The following ADGRG5 variants were observed in gnomAD, a reference collection of about 807,000 sequenced individuals.
ADGRG5 encodes the protein G protein-coupled receptor 114.
ADGRG5 carries 37 observed loss-of-function variants against 53.2 expected under a neutral mutation model. The ratio of observed to expected loss-of-function variants is 0.70; its 90% CI spans 0.53 to 0.91. The LOEUF is 0.91. Among genes scored for constraint, ADGRG5 ranks in the 40% least tolerant of loss-of-function variants. ADGRG5 has a pLI of 0.00. For synonymous variants in ADGRG5, 277 were observed against 290.4 expected (o/e 0.95, Z 0.47); for missense variants, 614 against 675.8 (o/e 0.91, Z 1.01).
chr16:57,536,135 C>T, the ADGRG5 span, among the ~76,000 whole-genome samples: 2 of 152,152 alleles, frequency 1.3e-5, no homozygotes, highest in African/African-American at 4.8e-5. Context: ...CCAGCGCCGC[C>T]CGTCCATCCC....
chr16:57,553,579 G>T lies in ADGRG5; in HGVS notation c.-38-8477G>T, dbSNP rs374505979. Among the ~76,000 whole-genome samples, 22 of 152,234 alleles carry T rather than the reference G, an allele frequency of 1.4e-4. No homozygotes were observed. In the South Asian group the frequency reaches 4.4e-3, roughly 30 times the overall value. On this transcript the variant is annotated intron_variant, in intron 1 of 11. Coordinates refer to ENST00000349457, the MANE Select transcript of ADGRG5 (RefSeq NM_001304376.3). ...CCAGTAACACACTGTCTTGATTATT[G>T]TAGCTTTATAGTGAGCCTTGAAATC... is the stretch of plus-strand genomic sequence containing the variant.
intron 1 of ADGRG5, among the ~76,000 whole-genome samples, chr16:57,545,322 T>C (rs1427322388): frequency 6.6e-6 from 1 of 152,076 alleles, no homozygotes; most frequent in African/African-American, 2.4e-5. Flanking sequence ...TCAATGCAAA[T>C]GGACTGGAGA....
chr16:57,536,216 C>G, the ADGRG5 span, among the ~76,000 whole-genome samples: 1 of 152,034 alleles, frequency 6.6e-6, no homozygotes, highest in Non-Finnish European at 1.5e-5. Flanking sequence ...GCCGCCCCCT[C>G]CCGTCCGGCC....
At chr16:57,550,608 G>GT (rs561361851) in intron 1 of ADGRG5, among the ~76,000 whole-genome samples, 1 of 151,846 alleles carries the variant, frequency 6.6e-6, no homozygotes, top group Non-Finnish European at 1.5e-5. Flanking sequence ...TTTCTTTTTT[G>GT]TTTTTTCCAA....
intron 1 of ADGRG5, among the ~76,000 whole-genome samples, chr16:57,546,143 A>G (rs1436012004): frequency 6.6e-6 from 1 of 151,584 alleles, no homozygotes; most frequent in Non-Finnish European, 1.5e-5. Flanking sequence ...TTTATTTTTG[A>G]TACAGGGTCT....
At chr16:57,532,371 T>TA in the ADGRG5 span, among the ~76,000 whole-genome samples, 10 of 152,186 alleles carry the variant, frequency 6.6e-5, no homozygotes, top group Admixed American at 3.9e-4. Flanking sequence ...TGGTTCCATG[T>TA]ACACCACTGA....
At chr16:57,535,693 C>T in the ADGRG5 span, among the ~76,000 whole-genome samples, 1 of 150,772 alleles carries the variant, frequency 6.6e-6, no homozygotes, top group African/African-American at 2.4e-5. Flanking sequence ...AGCAGACATC[C>T]CGCTAGTCCC....
intron 1 of ADGRG5, among the ~76,000 whole-genome samples, chr16:57,551,814 T>A (rs2032760774): frequency 6.6e-6 from 1 of 152,180 alleles, no homozygotes; most frequent in Admixed American, 6.5e-5. Flanking sequence ...CCCTGATCCA[T>A]CAGAGAAATC....
At chr16:57,562,262 G>T in intron 2 of ADGRG5, 105 bp downstream of exon 2, 1 of 1,413,460 alleles carries the variant, frequency 7.1e-7, no homozygotes, top group South Asian at 1.2e-5. Flanking sequence ...GGCCACTTAG[G>T]CTTCCTGGGG....
intron 1 of ADGRG5, among the ~76,000 whole-genome samples, chr16:57,550,930 A>G (rs1318460192): frequency 6.6e-6 from 1 of 152,192 alleles, no homozygotes; most frequent in African/African-American, 2.4e-5. Flanking sequence ...TGGGAGGCTG[A>G]GGCAGGAGAA....
At chr16:57,537,295 T>C in the ADGRG5 span, among the ~76,000 whole-genome samples, 1 of 152,170 alleles carries the variant, frequency 6.6e-6, no homozygotes, top group African/African-American at 2.4e-5. Flanking sequence ...CTACATCCTG[T>C]ACCCTGGAAG....
rs1047249246 is a variant in ADGRG5 at position 57,565,092 on chromosome 16, G to C, written c.488G>C (p.Gly163Ala). 6.2e-7 allele frequency: 1 copy of C among 1,613,868 alleles called. No individual in the cohort carries two copies. The highest frequency in any genetic ancestry group is 1.3e-5 in the African/African-American group (1 of 74,856). Residue 163 changes from glycine (G) to alanine (A), a missense_variant, in exon 6 of 12, where the codon GGG becomes GCG. Coordinates refer to ENST00000349457, the MANE Select transcript of ADGRG5 (RefSeq NM_001304376.3). ...GTCCTGGGGGCCCAGCTGAGTCATG[G>C]GCACGTGAACAACCTCAGGGATCCT... ...NYVLGAQLSHGHVNNLRDPVN... is the reference protein window; with the variant it reads ...NYVLGAQLSHAHVNNLRDPVN...
Position 57,543,363 on chromosome 16 carries a change from A to G in ADGRG5, c.-39+662A>G, listed in dbSNP as rs139416605. Among the ~76,000 whole-genome samples the G allele has an allele frequency of 6.7e-3, 945 of 141,090 alleles. 24 individuals are homozygous for G. In the South Asian group the frequency reaches 0.087, roughly 13 times the overall value. The allele number at this position is 141,090 out of a possible 152,430, so 92.6% of individuals were successfully genotyped here. ...AGTGGTGCGATCTCGGCTCACTGCAACCTCCACCTCCCAGGTTCAAGCGAT... is the reference window on the plus strand; with the variant it reads ...AGTGGTGCGATCTCGGCTCACTGCAGCCTCCACCTCCCAGGTTCAAGCGAT... On this transcript the variant is annotated intron_variant, in intron 1 of 11. Coordinates refer to ENST00000349457, the MANE Select transcript of ADGRG5 (RefSeq NM_001304376.3).
At chr16:57,560,761 C>A (rs2032980760) in intron 1 of ADGRG5, among the ~76,000 whole-genome samples, 1 of 152,132 alleles carries the variant, frequency 6.6e-6, no homozygotes, top group Non-Finnish European at 1.5e-5. Flanking sequence ...TAAAGACTCA[C>A]AACCAACAAA....
upstream of ADGRG5, among the ~76,000 whole-genome samples, chr16:57,540,434 A>G (rs929035872): frequency 5.3e-5 from 8 of 152,202 alleles, no homozygotes; most frequent in East Asian, 1.6e-3. Context: ...TAGCCCCCAT[A>G]TAGGGAGACA....
At chr16:57,558,797 A>G (rs1385790526) in intron 1 of ADGRG5, among the ~76,000 whole-genome samples, 9 of 150,174 alleles carry the variant, frequency 6.0e-5, no homozygotes, top group Admixed American at 6.0e-4. Flanking sequence ...AAAATCCTGG[A>G]CACTAATGGG....
chr16:57,566,413 G>GT, intron 6 of ADGRG5, 186 bp from the exon 7 acceptor site: 1 of 463,534 alleles, frequency 2.2e-6, no homozygotes, highest in Non-Finnish European at 3.7e-6. Context: ...TCTTGCCTGG[G>GT]TCACTCTGAG....
In ADGRG5 at chr16:57,570,560, G is replaced by C. The variant is rs770404152; in HGVS notation, c.1208+25G>C. The C allele has an allele frequency of 3.9e-6, 6 of 1,528,072 alleles. No homozygotes were observed. In the Admixed American group the frequency reaches 8.4e-5, roughly 21 times the overall value. 94.7% of individuals were successfully genotyped at this position (1,528,072 alleles called of 1,614,324 possible). On this transcript the variant is annotated intron_variant, in intron 10 of 11. Coordinates refer to ENST00000349457, the MANE Select transcript of ADGRG5 (RefSeq NM_001304376.3). ...TGTGAGTGCCCTCAGGGCTGCAGTG[G>C]GCTCCCTGGCTCTGGCAGAAGGGCC...
chr16:57,572,016 G>A (rs1376767719), intron 10 of ADGRG5, among the ~76,000 whole-genome samples: 1 of 151,984 alleles, frequency 6.6e-6, no homozygotes, highest in Non-Finnish European at 1.5e-5. Flanking sequence ...CTAATGCACA[G>A]ATGTTAGAGA....
Sources: allele counts gnomAD v4.1 joint callset (sites outside exome capture counted in the v4.1 genomes callset), GRCh38; gene constraint gnomAD v4.1.1; transcripts MANE v1.5; gene names NCBI Gene and HGNC (gene_info 2026-07-23, HGNC 2026-07-21).